Variants in ADGRL3 observed in about 807,000 individuals in gnomAD.
The protein encoded by ADGRL3 is calcium-independent alpha-latrotoxin receptor 3.
In ADGRL3, 62 loss-of-function variants were observed where a neutral mutation model predicts 153.5. The ratio of observed to expected loss-of-function variants is 0.40; its 90% CI spans 0.33 to 0.50. ADGRL3 has a LOEUF of 0.50. Among genes scored for constraint, ADGRL3 ranks in the 20% least tolerant of loss-of-function variants. ADGRL3 has a pLI of 0.47. For missense variants in ADGRL3, 1,641 were observed against 1,859.4 expected (o/e 0.88, Z 2.16); for synonymous variants, 710 against 672.5 (o/e 1.06, Z -0.86).
intron 1 of ADGRL3, among the ~76,000 whole-genome samples, chr4:61,277,814 C>T (rs924814893): frequency 1.3e-5 from 2 of 152,104 alleles, no homozygotes; most frequent in Admixed American, 6.6e-5. Context: ...AGCTCTATTG[C>T]TTATAATAAA....
intron 2 of ADGRL3, among the ~76,000 whole-genome samples, chr4:61,475,760 G>A (rs1399702630): frequency 6.6e-6 from 1 of 152,106 alleles, no homozygotes; most frequent in African/African-American, 2.4e-5. Flanking sequence ...GATAAAGGAA[G>A]CTTCTAAATT....
At chr4:62,006,003 C>CACACACACACACACATATAT (rs1230956055) in intron 21 of ADGRL3, among the ~76,000 whole-genome samples, 2 of 49,012 alleles carry the variant, frequency 4.1e-5, no homozygotes, top group African/African-American at 1.5e-4. Context: ...CACACACACA[C>CACACACACACACACATATAT]ATATATATAT....
At chr4:61,428,894 CATCTATCTATCTATCT>C (rs5858699) in intron 2 of ADGRL3, among the ~76,000 whole-genome samples, 1,846 of 98,232 alleles carry the variant, frequency 0.019, 54 homozygotes, top group African/African-American at 0.057. Context: ...CTATCTATAT[CATCTATCTATCTATCT>C]ATCTATCTAT....
At chr4:61,866,524 G>A (rs574888779) in intron 9 of ADGRL3, among the ~76,000 whole-genome samples, 1 of 152,078 alleles carries the variant, frequency 6.6e-6, no homozygotes, top group African/African-American at 2.4e-5. Flanking sequence ...GCCTGTCCTC[G>A]GCATTATATT....
intron 26 of ADGRL3, among the ~76,000 whole-genome samples, chr4:62,069,553 G>A (rs1258354488): frequency 1.3e-5 from 2 of 151,570 alleles, no homozygotes; most frequent in Non-Finnish European, 2.9e-5. Context: ...TTGTATGAAG[G>A]GATTATTTTT....
chr4:61,815,499 A>G (rs2097677979), intron 9 of ADGRL3, among the ~76,000 whole-genome samples: 3 of 152,158 alleles, frequency 2.0e-5, no homozygotes, highest in Admixed American at 2.0e-4. Flanking sequence ...GTGTCCTGGC[A>G]ATGTGAGGAT....
chr4:61,449,209 C>T (rs1211743904), intron 2 of ADGRL3, among the ~76,000 whole-genome samples: 6 of 152,062 alleles, frequency 3.9e-5, no homozygotes, highest in African/African-American at 1.2e-4. Context: ...GATCCTGGCT[C>T]ACTGCAACCT....
intron 8 of ADGRL3, among the ~76,000 whole-genome samples, chr4:61,783,549 A>G (rs2097240764): frequency 6.6e-6 from 1 of 152,054 alleles, no homozygotes; most frequent in Non-Finnish European, 1.5e-5. Flanking sequence ...TCTTTGCTGA[A>G]TGAGTTATGA....
At chr4:62,051,078 TA>T (rs1193011692) in intron 25 of ADGRL3, among the ~76,000 whole-genome samples, 1 of 149,524 alleles carries the variant, frequency 6.7e-6, no homozygotes, top group Non-Finnish European at 1.5e-5. Flanking sequence ...TGTGTGTGTA[TA>T]TATATATACA....
At chr4:61,946,434 G>A (rs892088191) in intron 15 of ADGRL3, among the ~76,000 whole-genome samples, 4 of 151,926 alleles carry the variant, frequency 2.6e-5, no homozygotes, top group African/African-American at 9.7e-5. Context: ...TGGTAAAAAT[G>A]TTTTGTATAA....
chr4:61,309,383 A>T (rs1342073421), intron 1 of ADGRL3, among the ~76,000 whole-genome samples: 1 of 152,184 alleles, frequency 6.6e-6, no homozygotes, highest in Non-Finnish European at 1.5e-5. Flanking sequence ...AATGCAGCTT[A>T]GTAACCCCTG....
chr4:62,049,973 C>T lies in ADGRL3; in HGVS notation c.3814+5424C>T, dbSNP rs868659830. 6.6e-5 allele frequency among the ~76,000 whole-genome samples: 10 copies of T among 152,156 alleles called. No homozygotes were observed. In the South Asian group the frequency reaches 1.0e-3, roughly 16 times the overall value. On this transcript the variant is annotated intron_variant, in intron 25 of 26. Transcript: ENST00000683033. ...ATTATTATTGTTTTATTCAGAAGTT[C>T]ACTTATACTTTCTAAAAAATGAAAA... is the stretch of plus-strand genomic sequence containing the variant.
chr4:61,315,170 T>G (rs2095162784), intron 1 of ADGRL3, among the ~76,000 whole-genome samples: 1 of 152,098 alleles, frequency 6.6e-6, no homozygotes, highest in Non-Finnish European at 1.5e-5. Context: ...CAAAGCAAAA[T>G]GAACACTCCC....
At chr4:61,970,474 CT>C (rs996644695) in intron 17 of ADGRL3, among the ~76,000 whole-genome samples, 1 of 151,704 alleles carries the variant, frequency 6.6e-6, no homozygotes, top group African/African-American at 2.4e-5. Context: ...TTTAGTTTGG[CT>C]TTTTTTTCTT....
At chr4:61,488,133 G>C (rs1355094704) in intron 2 of ADGRL3, among the ~76,000 whole-genome samples, 1 of 151,864 alleles carries the variant, frequency 6.6e-6, no homozygotes, top group Admixed American at 6.6e-5. Context: ...AAATAGCAAT[G>C]TTCATTAAAT....
At chr4:61,329,062 A>C (rs1560479914) in intron 1 of ADGRL3, among the ~76,000 whole-genome samples, 1 of 152,178 alleles carries the variant, frequency 6.6e-6, no homozygotes, top group Admixed American at 6.5e-5. Flanking sequence ...GTTGCTCAAC[A>C]AAAAGAGCTA....
At chr4:61,848,765 A>C (rs4312787) in intron 9 of ADGRL3, among the ~76,000 whole-genome samples, 41 of 152,280 alleles carry the variant, frequency 2.7e-4, no homozygotes, top group African/African-American at 9.6e-4. Flanking sequence ...AAATTAAATG[A>C]TCAAACTTTC....
At chr4:61,825,105 A>G (rs978460714) in intron 9 of ADGRL3, among the ~76,000 whole-genome samples, 3 of 152,124 alleles carry the variant, frequency 2.0e-5, no homozygotes, top group Non-Finnish European at 4.4e-5. Flanking sequence ...AATTATTTCC[A>G]TTTTTTAAGA....
At chr4:61,248,095 C>G (rs760430567) in intron 1 of ADGRL3, among the ~76,000 whole-genome samples, 3 of 152,050 alleles carry the variant, frequency 2.0e-5, no homozygotes, top group Non-Finnish European at 2.9e-5. Context: ...GCGAACTGCT[C>G]TATGTGTGAA....
Sources: allele counts gnomAD v4.1 joint callset (sites outside exome capture counted in the v4.1 genomes callset), GRCh38; gene constraint gnomAD v4.1.1; transcripts MANE v1.5; gene names NCBI Gene and HGNC (gene_info 2026-07-23, HGNC 2026-07-21).